The following KIAA1217 variants were observed in gnomAD, a reference collection of about 807,000 sequenced individuals.
KIAA1217 encodes the protein sickle tail protein homolog.
Under a neutral mutation model 163.9 loss-of-function variants are expected in KIAA1217, and 88 were observed. The ratio of observed to expected loss-of-function variants is 0.54; its 90% CI spans 0.45 to 0.64. The LOEUF is 0.64. Among genes scored for constraint, KIAA1217 ranks in the 30% least tolerant of loss-of-function variants. The pLI is 0.00. For synonymous variants in KIAA1217, 903 were observed against 923.1 expected (o/e 0.98, Z 0.39); for missense variants, 2,372 against 2,475.0 (o/e 0.96, Z 0.88).
At chr10:23,951,255 A>G (rs529507137) in intron 1 of KIAA1217, among the ~76,000 whole-genome samples, 10 of 152,248 alleles carry the variant, frequency 6.6e-5, no homozygotes, top group Admixed American at 3.3e-4. Flanking sequence ...TAAGAAGAAC[A>G]AGGCTGAAGG....
intron 3 of KIAA1217, among the ~76,000 whole-genome samples, chr10:24,427,133 G>T (rs909937237): frequency 5.3e-5 from 8 of 152,118 alleles, no homozygotes; most frequent in African/African-American, 1.9e-4. Context: ...CTTCTCAGGG[G>T]GACACTGAGC....
At chr10:24,166,536 A>G (rs1286443873) in intron 2 of KIAA1217, among the ~76,000 whole-genome samples, 6 of 152,076 alleles carry the variant, frequency 3.9e-5, no homozygotes, top group Admixed American at 3.9e-4. Context: ...TAAGGGGTTC[A>G]AGACGAGCCT....
intron 2 of KIAA1217, among the ~76,000 whole-genome samples, chr10:24,048,443 C>T (rs187247269): frequency 4.8e-4 from 73 of 152,310 alleles, no homozygotes; most frequent in Non-Finnish European, 9.4e-4. Flanking sequence ...TTAAAATTTT[C>T]GCCCAGGTTG....
At chr10:24,064,600 C>T (rs572327802) in intron 2 of KIAA1217, among the ~76,000 whole-genome samples, 128 of 146,824 alleles carry the variant, frequency 8.7e-4, no homozygotes, top group African/African-American at 2.2e-3. Context: ...GTCTAAAACT[C>T]TCTTTTTTTG....
At chr10:24,104,279 A>G (rs909083947) in intron 2 of KIAA1217, among the ~76,000 whole-genome samples, 2 of 152,196 alleles carry the variant, frequency 1.3e-5, no homozygotes, top group Non-Finnish European at 2.9e-5. Flanking sequence ...TCCTCCAGTA[A>G]GTGAATGGAT....
At chr10:24,401,084 A>C (rs2056475075) in intron 3 of KIAA1217, among the ~76,000 whole-genome samples, 1 of 151,914 alleles carries the variant, frequency 6.6e-6, no homozygotes. Flanking sequence ...GTTACTTACA[A>C]AGAAAAGAAA....
At chr10:23,895,652 A>C (rs977725805) in intron 1 of KIAA1217, among the ~76,000 whole-genome samples, 4 of 152,266 alleles carry the variant, frequency 2.6e-5, no homozygotes, top group Middle Eastern at 3.4e-3. Context: ...GTATATACCC[A>C]AAGGACTGTA....
At chr10:24,490,750 C>G (rs1469356008) in intron 6 of KIAA1217, among the ~76,000 whole-genome samples, 2 of 152,138 alleles carry the variant, frequency 1.3e-5, no homozygotes, top group East Asian at 1.9e-4. Context: ...GAATGGCTTC[C>G]CCTCTACTGT....
intron 2 of KIAA1217, among the ~76,000 whole-genome samples, chr10:24,089,924 C>G (rs1395233684): frequency 6.6e-6 from 1 of 151,758 alleles, no homozygotes; most frequent in Non-Finnish European, 1.5e-5. Context: ...ACTTTCTTCA[C>G]AGAGTTAGAA....
At chr10:23,772,711 A>T (rs1205901314) in intron 1 of KIAA1217, among the ~76,000 whole-genome samples, 1 of 152,200 alleles carries the variant, frequency 6.6e-6, no homozygotes, top group African/African-American at 2.4e-5. Flanking sequence ...ATTAAAAGGA[A>T]AATGCCAGCA....
chr10:24,114,699 C>G (rs2062983466), intron 2 of KIAA1217, among the ~76,000 whole-genome samples: 1 of 152,238 alleles, frequency 6.6e-6, no homozygotes, highest in African/African-American at 2.4e-5. Context: ...AACAGCACAT[C>G]TGGAGAAATC....
chr10:23,842,327 A>G (rs1838827236), intron 1 of KIAA1217, among the ~76,000 whole-genome samples: 1 of 152,208 alleles, frequency 6.6e-6, no homozygotes, highest in South Asian at 2.1e-4. Flanking sequence ...ACGGCTCTCC[A>G]AATTTCCAGA....
chr10:23,969,876 G>C (rs377594906), intron 1 of KIAA1217, among the ~76,000 whole-genome samples: 2 of 152,208 alleles, frequency 1.3e-5, no homozygotes, highest in Non-Finnish European at 2.9e-5. Context: ...TTCCACGTGG[G>C]TGGGGAGGCC....
intron 1 of KIAA1217, among the ~76,000 whole-genome samples, chr10:23,985,761 A>G (rs779758289): frequency 6.6e-6 from 1 of 152,292 alleles, no homozygotes; most frequent in East Asian, 1.9e-4. Flanking sequence ...AGTCTGCTGC[A>G]TGTTTCCTTA....
chr10:23,904,785 C>CATCTACATTATCTT (rs1434124103), intron 1 of KIAA1217, among the ~76,000 whole-genome samples: 1 of 152,060 alleles, frequency 6.6e-6, no homozygotes, highest in African/African-American at 2.4e-5. Context: ...AATGACACCA[C>CATCTACATTATCTT]ATCTACATTA....
intron 2 of KIAA1217, among the ~76,000 whole-genome samples, chr10:24,055,904 A>G (rs1024284048): frequency 6.6e-6 from 1 of 152,096 alleles, no homozygotes; most frequent in African/African-American, 2.4e-5. Context: ...GCTGTACATA[A>G]TAGATGTTCA....
chr10:23,932,791 C>A (rs976698901), intron 1 of KIAA1217, among the ~76,000 whole-genome samples: 1 of 152,074 alleles, frequency 6.6e-6, no homozygotes, highest in African/African-American at 2.4e-5. Context: ...TATAAAAGAC[C>A]TGGTTGCACA....
chr10:24,440,830 C>T (rs778384476), intron 5 of KIAA1217, among the ~76,000 whole-genome samples: 18 of 152,200 alleles, frequency 1.2e-4, no homozygotes, highest in African/African-American at 1.7e-4. Flanking sequence ...AAATAGAAAG[C>T]GGTTTCAAAG....
chr10:23,876,649 G>C (rs762666184), intron 1 of KIAA1217, among the ~76,000 whole-genome samples: 6 of 151,924 alleles, frequency 3.9e-5, no homozygotes, highest in Non-Finnish European at 8.8e-5. Flanking sequence ...TACAATGCTA[G>C]ACCAGTGTCC....
Sources: gnomAD v4.1 joint callset for allele counts (sites outside exome capture counted in the v4.1 genomes callset) on GRCh38, gnomAD v4.1.1 for gene constraint, MANE v1.5 for transcripts, NCBI Gene and HGNC (gene_info 2026-07-23, HGNC 2026-07-21) for gene names.